Variants in PRDM2 observed in about 807,000 individuals in gnomAD.
The protein encoded by PRDM2 is PR/SET domain 2, also known as PR domain zinc finger protein 2.
Under a neutral mutation model 130.0 loss-of-function variants are expected in PRDM2, and 30 were observed. That is an observed-to-expected ratio of 0.23 (90% CI 0.17 to 0.31). The LOEUF is 0.31. Among genes scored for constraint, PRDM2 ranks in the 10% least tolerant of loss-of-function variants. The pLI is 1.00. For missense variants in PRDM2, 2,011 were observed against 2,108.4 expected (o/e 0.95, Z 0.90); for synonymous variants, 871 against 782.4 (o/e 1.11, Z -1.89).
intron 6 of PRDM2, among the ~76,000 whole-genome samples, chr1:13,759,911 C>G (rs898512991): frequency 6.6e-6 from 1 of 151,890 alleles, no homozygotes; most frequent in Non-Finnish European, 1.5e-5. Context: ...GATTTTTGGA[C>G]CAGGGGTTTA....
chr1:13,746,946 A>G (rs1025379111), intron 5 of PRDM2, among the ~76,000 whole-genome samples: 13 of 152,214 alleles, frequency 8.5e-5, no homozygotes, highest in African/African-American at 2.2e-4. Context: ...TTGATTTGTG[A>G]TACAGATTCT....
intron 6 of PRDM2, among the ~76,000 whole-genome samples, chr1:13,749,787 C>T (rs1643755688): frequency 6.6e-6 from 1 of 152,048 alleles, no homozygotes; most frequent in Admixed American, 6.5e-5. Context: ...TCCTGGGCGG[C>T]AGAAAGTGCG....
At chr1:13,722,998 C>G in intron 2 of PRDM2, 1 of 373,854 alleles carries the variant, frequency 2.7e-6, no homozygotes, top group South Asian at 2.0e-5. Flanking sequence ...TGAATTGAGT[C>G]CAGCTCTTTG....
Position 13,732,840 on chromosome 1 carries a change from G to C in PRDM2, c.189G>C (p.Lys63Asn), listed in dbSNP as rs1399670637. 17 of 1,606,304 alleles carry C rather than the reference G, an allele frequency of 1.1e-5. No individual in the cohort carries two copies. Among genetic ancestry groups the C allele is most frequent in the Non-Finnish European group, 1.4e-5 (17 of 1,176,840 alleles). The change falls in exon 4 of 10, where the codon AAG becomes AAC. Residue 63 changes from lysine to asparagine, a missense_variant. Coordinates refer to ENST00000311066, the MANE Select transcript of PRDM2 (RefSeq NM_001393986.1). ...GKKFGPFVGD[K>N]KKRSQVKNNV... ...AATTTGGGCCATTTGTTGGTGATAA[G>C]AAAAAAAGATCTCAGGTTAAGAATA... is the stretch of plus-strand genomic sequence containing the variant.
chr1:13,723,333 G>A (rs573947516), intron 2 of PRDM2, among the ~76,000 whole-genome samples: 218 of 152,272 alleles, frequency 1.4e-3, no homozygotes, highest in Non-Finnish European at 9.6e-4. Flanking sequence ...AGCTTGGGGT[G>A]CAGGTGGGCA....
chr1:13,801,319 CTG>C (rs1645003479), intron 8 of PRDM2, among the ~76,000 whole-genome samples: 4 of 152,250 alleles, frequency 2.6e-5, no homozygotes, highest in Admixed American at 2.6e-4. Context: ...TGGCTCAGCA[CTG>C]TAACCCACAG....
chr1:13,767,159 A>G (rs542004959), intron 6 of PRDM2, among the ~76,000 whole-genome samples: 9 of 152,242 alleles, frequency 5.9e-5, no homozygotes, highest in Admixed American at 3.9e-4. Context: ...TTTTATTGAT[A>G]TTACTCAGTG....
At chr1:13,753,996 T>C (rs893447210) in intron 6 of PRDM2, among the ~76,000 whole-genome samples, 2 of 152,098 alleles carry the variant, frequency 1.3e-5, no homozygotes, top group African/African-American at 2.4e-5. Flanking sequence ...ACAGATGAAG[T>C]AGGTAAACCT....
chr1:13,730,100 T>G (rs1351969620), intron 2 of PRDM2, among the ~76,000 whole-genome samples: 4 of 152,168 alleles, frequency 2.6e-5, no homozygotes, highest in Non-Finnish European at 4.4e-5. Flanking sequence ...TGCAGTGAAA[T>G]GAAACACACT....
chr1:13,791,928 A>G (rs1043137631), intron 8 of PRDM2, among the ~76,000 whole-genome samples: 5 of 152,174 alleles, frequency 3.3e-5, no homozygotes, highest in African/African-American at 1.2e-4. Context: ...GACCATAAAC[A>G]TTTTACGGAA....
intron 4 of PRDM2, chr1:13,738,628 G>A (rs1370498029): frequency 6.6e-6 from 1 of 152,110 alleles, no homozygotes; most frequent in Admixed American, 6.5e-5. Flanking sequence ...CCTATGTTTT[G>A]GGAAATGTCC....
intron 4 of PRDM2, among the ~76,000 whole-genome samples, 162 bp from the exon 5 acceptor site, chr1:13,741,843 T>A (rs571364540): frequency 6.6e-6 from 1 of 152,106 alleles, no homozygotes; most frequent in Non-Finnish European, 1.5e-5. Context: ...AGTTTTCACC[T>A]TGTATTTTTC....
intron 8 of PRDM2, among the ~76,000 whole-genome samples, chr1:13,807,898 A>C (rs1411327670): frequency 6.6e-6 from 1 of 152,152 alleles, no homozygotes; most frequent in Non-Finnish European, 1.5e-5. Flanking sequence ...CCGGGAGTGG[A>C]CCAGGTGTTT....
At chr1:13,801,339 C>T (rs1645003687) in intron 8 of PRDM2, among the ~76,000 whole-genome samples, 1 of 152,224 alleles carries the variant, frequency 6.6e-6, no homozygotes, top group African/African-American at 2.4e-5. Flanking sequence ...CAGTAACTGG[C>T]AGAGTGAGCG....
At chr1:13,746,528 T>TTTTA (rs34775135) in intron 5 of PRDM2, among the ~76,000 whole-genome samples, 17,295 of 146,376 alleles carry the variant, frequency 0.12, 1,193 homozygotes, top group African/African-American at 0.18. Flanking sequence ...TACTACTTGT[T>TTTTA]TTTATTTATT....
chr1:13,787,966 T>A (rs1393156343), intron 8 of PRDM2: 1 of 985,324 alleles, frequency 1.0e-6, no homozygotes, highest in East Asian at 1.1e-4. Context: ...TTGGGGCTTG[T>A]CAGATGTATT....
chr1:13,778,234 A>G (rs1404781900), intron 7 of PRDM2, among the ~76,000 whole-genome samples, 184 bp from the exon 8 acceptor site: 1 of 152,208 alleles, frequency 6.6e-6, no homozygotes, highest in Non-Finnish European at 1.5e-5. Flanking sequence ...TGTTGAATGA[A>G]GTGGATTCAT....
chr1:13,710,815 G>T (rs567478952), intron 1 of PRDM2, among the ~76,000 whole-genome samples: 1 of 152,196 alleles, frequency 6.6e-6, no homozygotes, highest in African/African-American at 2.4e-5. Flanking sequence ...GGCCGGGCGC[G>T]GTGGCTCACA....
In PRDM2 at chr1:13,773,164, G is replaced by A. The variant is rs573017243; in HGVS notation, c.598G>A (p.Ala200Thr). ...LKTSEPDFTSANMRDSAEGPK... is the reference protein window; with the variant it reads ...LKTSEPDFTSTNMRDSAEGPK... ...GACAAGTGAGCCAGATTTCACCTCT[G>A]CAAATATGAGAGATTCTGCAGAAGG... Residue 200 changes from alanine (A) to threonine (T), a missense_variant, in exon 7 of 10, where the codon GCA (alanine) becomes ACA (threonine). Coordinates refer to ENST00000311066, the MANE Select transcript of PRDM2 (RefSeq NM_001393986.1). 13 of 1,564,452 alleles carry A rather than the reference G, an allele frequency of 8.3e-6. No individual in the cohort carries two copies. In the South Asian group the frequency reaches 1.5e-4, roughly 18 times the overall value.
Sources: allele counts gnomAD v4.1 joint callset (sites outside exome capture counted in the v4.1 genomes callset), GRCh38; gene constraint gnomAD v4.1.1; transcripts MANE v1.5; gene names NCBI Gene and HGNC (gene_info 2026-07-23, HGNC 2026-07-21).